Variants in ERC1 observed in about 807,000 individuals in gnomAD.
ERC1 encodes the protein RAB6 interacting protein 2.
A neutral mutation model predicts 132.0 loss-of-function variants in ERC1; 56 were observed. The observed-to-expected ratio is 0.42, with a 90% CI of 0.34 to 0.53. ERC1 has a LOEUF of 0.53. ERC1 is among the 20% of genes least tolerant of loss of function. The pLI is 0.03. For synonymous variants in ERC1, 478 were observed against 476.1 expected, an observed-to-expected ratio of 1.00 and a Z score of -0.05; for missense variants, 1,202 against 1,349.9, an observed-to-expected ratio of 0.89 and a Z score of 1.72.
intron 2 of ERC1, among the ~76,000 whole-genome samples, chr12:1,036,653 G>A (rs1012792066): frequency 6.6e-6 from 1 of 152,190 alleles, no homozygotes; most frequent in African/African-American, 2.4e-5. Context: ...TGGGATTACA[G>A]GTGTGAGCCA....
intron 18 of ERC1, among the ~76,000 whole-genome samples, chr12:1,472,030 A>G (rs1026796096): frequency 6.6e-6 from 1 of 152,214 alleles, no homozygotes; most frequent in Non-Finnish European, 1.5e-5. Context: ...TAGTTCCTGT[A>G]GCTCCCTTCC....
chr12:1,431,960 A>G (rs1409723882), intron 17 of ERC1, among the ~76,000 whole-genome samples: 2 of 152,160 alleles, frequency 1.3e-5, no homozygotes, highest in Non-Finnish European at 2.9e-5. Context: ...CTGCAGCCTC[A>G]ACCTCCTTCC....
chr12:1,119,802 A>T (rs1006293228), intron 7 of ERC1, among the ~76,000 whole-genome samples: 2 of 151,866 alleles, frequency 1.3e-5, no homozygotes, highest in African/African-American at 4.8e-5. Context: ...TGTCCTCCTC[A>T]GCCACCCAAA....
At chr12:1,057,664 C>T (rs371116743) in intron 2 of ERC1, among the ~76,000 whole-genome samples, 16 of 124,668 alleles carry the variant, frequency 1.3e-4, no homozygotes, top group African/African-American at 4.6e-4. Flanking sequence ...GGCTTGATTT[C>T]GGCTCACTGC....
chr12:1,134,961 C>G (rs1344790072), intron 7 of ERC1, among the ~76,000 whole-genome samples: 2 of 152,116 alleles, frequency 1.3e-5, no homozygotes, highest in Non-Finnish European at 1.5e-5. Flanking sequence ...CTCCCGACCT[C>G]TGGTGATCTG....
chr12:1,192,068 T>C (rs16928264), intron 12 of ERC1, among the ~76,000 whole-genome samples: 8,401 of 152,266 alleles, frequency 0.055, 495 homozygotes, highest in African/African-American at 0.15. Context: ...TAGAATGTGG[T>C]TTGTAAATTC....
At chr12:1,284,723 C>T (rs1409799864) in intron 14 of ERC1, among the ~76,000 whole-genome samples, 1 of 152,056 alleles carries the variant, frequency 6.6e-6, no homozygotes, top group Non-Finnish European at 1.5e-5. Context: ...CAGGCTGGAG[C>T]GCAGTGGTGT....
At chr12:1,071,217 A>C (rs1336312692) in intron 2 of ERC1, among the ~76,000 whole-genome samples, 1 of 152,182 alleles carries the variant, frequency 6.6e-6, no homozygotes, top group African/African-American at 2.4e-5. Flanking sequence ...GGTGATACCT[A>C]AGGGTGGAAT....
chr12:1,214,665 T>TACATAC (rs1555309873), intron 12 of ERC1, among the ~76,000 whole-genome samples: 1 of 118,962 alleles, frequency 8.4e-6, no homozygotes, highest in African/African-American at 2.6e-5. Context: ...TGTGTATACA[T>TACATAC]ACACACACAC....
intron 1 of ERC1, among the ~76,000 whole-genome samples, chr12:1,018,693 G>A (rs1029719604): frequency 5.3e-5 from 8 of 152,190 alleles, no homozygotes; most frequent in African/African-American, 1.7e-4. Context: ...TGGTTTTTAC[G>A]TGGATTTAGG....
At chr12:1,202,079 G>C (rs2154284853) in intron 12 of ERC1, among the ~76,000 whole-genome samples, 1 of 152,278 alleles carries the variant, frequency 6.6e-6, no homozygotes, top group African/African-American at 2.4e-5. Flanking sequence ...GATCCTGCTT[G>C]CTTCAGCTTG....
At chr12:1,375,985 G>A (rs924735466) in intron 16 of ERC1, among the ~76,000 whole-genome samples, 3 of 151,942 alleles carry the variant, frequency 2.0e-5, no homozygotes, top group Admixed American at 6.6e-5. Flanking sequence ...ATCCACCTGT[G>A]TTTGCCTCCC....
intron 18 of ERC1, among the ~76,000 whole-genome samples, chr12:1,450,720 G>C (rs372397270): frequency 6.6e-6 from 1 of 152,144 alleles, no homozygotes; most frequent in Non-Finnish European, 1.5e-5. Flanking sequence ...AGGAACCACC[G>C]TACTGTTTTC....
chr12:1,193,286 A>G (rs1271823739), intron 12 of ERC1, among the ~76,000 whole-genome samples: 1 of 152,162 alleles, frequency 6.6e-6, no homozygotes, highest in Admixed American at 6.5e-5. Context: ...GCAATTTTAA[A>G]AAGAAGATTG....
intron 15 of ERC1, among the ~76,000 whole-genome samples, chr12:1,334,225 T>C (rs1335433094): frequency 6.6e-6 from 1 of 152,232 alleles, no homozygotes; most frequent in Non-Finnish European, 1.5e-5. Flanking sequence ...GTACAGAAAC[T>C]CTCTAGTTTA....
At chr12:1,233,208 T>C (rs755319902) in intron 12 of ERC1, among the ~76,000 whole-genome samples, 28 of 152,134 alleles carry the variant, frequency 1.8e-4, no homozygotes, top group Non-Finnish European at 3.5e-4. Context: ...CAGTGGCTCA[T>C]GCCTGTAATC....
chr12:1,492,142 G>A lies in ERC1; in HGVS notation c.*1912G>A, dbSNP rs891679145. 6 of 232,660 alleles carry A rather than the reference G, an allele frequency of 2.6e-5. No individual in the cohort carries two copies. Among genetic ancestry groups the A allele is most frequent in the African/African-American group, 4.4e-5 (2 of 45,278 alleles). 14.4% of individuals were successfully genotyped at this position (232,660 alleles called of 1,614,324 possible). On this transcript the variant is annotated 3_prime_UTR_variant, in exon 19 of 19. Transcript: ENST00000360905. ...TCCCTGTGAGAGGAAACTGTGGAGCGTTTCTTATCGAAGGTTAAATGGACT... is the reference window on the plus strand; with the variant it reads ...TCCCTGTGAGAGGAAACTGTGGAGCATTTCTTATCGAAGGTTAAATGGACT...
chr12:1,020,802 A>G (rs2154145043), intron 1 of ERC1: 1 of 152,234 alleles, frequency 6.6e-6, no homozygotes, highest in Middle Eastern at 3.4e-3. Flanking sequence ...ACATCATTGG[A>G]AGCAAGTCAT....
intron 12 of ERC1, among the ~76,000 whole-genome samples, chr12:1,226,694 T>A (rs1341211478): frequency 1.3e-5 from 2 of 152,182 alleles, no homozygotes; most frequent in African/African-American, 4.8e-5. Flanking sequence ...TTGTTCTTGT[T>A]TCGAAACAGT....
Sources: allele counts gnomAD v4.1 joint callset (sites outside exome capture counted in the v4.1 genomes callset), GRCh38; gene constraint gnomAD v4.1.1; transcripts MANE v1.5; gene names NCBI Gene and HGNC (gene_info 2026-07-23, HGNC 2026-07-21).